Variants in HDAC9 observed in about 807,000 individuals in gnomAD.
HDAC9 encodes histone deacetylase 9, also known as MEF-2 interacting transcription repressor (MITR) protein.
In HDAC9, 41 loss-of-function variants were observed where a neutral mutation model predicts 139.4. That is an observed-to-expected ratio of 0.29 (90% confidence interval 0.23 to 0.38). The LOEUF is 0.38. HDAC9 is among the 10% of genes least tolerant of loss of function. The pLI is 1.00. For synonymous variants in HDAC9, 517 were observed against 476.2 expected, an observed-to-expected ratio of 1.09 and a Z score of -1.12; for missense variants, 1,147 against 1,297.0, an observed-to-expected ratio of 0.88 and a Z score of 1.78.
intron 1 of HDAC9, among the ~76,000 whole-genome samples, chr7:18,434,541 T>C (rs974173330): frequency 5.3e-5 from 8 of 152,032 alleles, no homozygotes; most frequent in African/African-American, 1.9e-4. Flanking sequence ...TTTAATCAAA[T>C]TAACAGGCAA....
At chr7:18,557,379 G>T (rs532650877) in intron 2 of HDAC9, among the ~76,000 whole-genome samples, 9 of 148,322 alleles carry the variant, frequency 6.1e-5, no homozygotes, top group Non-Finnish European at 1.2e-4. Flanking sequence ...AATCCTCCTG[G>T]TATACTTTAA....
intron 2 of HDAC9, among the ~76,000 whole-genome samples, chr7:18,257,403 A>C (rs965048215): frequency 1.1e-4 from 10 of 89,582 alleles, no homozygotes; most frequent in African/African-American, 1.7e-4. Flanking sequence ...TGTCTCTCCC[A>C]CACACACACA....
chr7:18,951,988 C>A (rs1280992512), intron 23 of HDAC9, among the ~76,000 whole-genome samples: 1 of 151,746 alleles, frequency 6.6e-6, no homozygotes, highest in Admixed American at 6.6e-5. Flanking sequence ...CATTGCATAC[C>A]TGCCAGAGAA....
intron 1 of HDAC9, among the ~76,000 whole-genome samples, chr7:18,090,359 A>G (rs1190074802): frequency 1.3e-5 from 2 of 152,210 alleles, no homozygotes; most frequent in African/African-American, 2.4e-5. Context: ...CAATATAGTC[A>G]TAAGGGGATG....
intron 2 of HDAC9, among the ~76,000 whole-genome samples, chr7:18,220,282 C>T (rs889746769): frequency 6.6e-6 from 1 of 152,056 alleles, no homozygotes; most frequent in Non-Finnish European, 1.5e-5. Flanking sequence ...TTGCAATTAT[C>T]GCATTGCTAT....
chr7:18,480,616 C>T (rs1238782418), intron 1 of HDAC9, among the ~76,000 whole-genome samples: 1 of 152,088 alleles, frequency 6.6e-6, no homozygotes, highest in East Asian at 1.9e-4. Flanking sequence ...TCCAGTAGGT[C>T]AGAGCTGCAG....
chr7:18,196,588 G>A (rs1041979085), intron 2 of HDAC9, among the ~76,000 whole-genome samples: 3 of 152,168 alleles, frequency 2.0e-5, no homozygotes, highest in South Asian at 2.1e-4. Flanking sequence ...AGGCCAAATG[G>A]TGCTGGATTA....
At chr7:18,191,965 T>G (rs1288753007) in intron 2 of HDAC9, among the ~76,000 whole-genome samples, 1 of 152,188 alleles carries the variant, frequency 6.6e-6, no homozygotes, top group Non-Finnish European at 1.5e-5. Flanking sequence ...TTCTAAGCTA[T>G]GACGAGAAGA....
chr7:18,499,138 G>T (rs1348954934), intron 2 of HDAC9, among the ~76,000 whole-genome samples: 1 of 151,874 alleles, frequency 6.6e-6, no homozygotes, highest in Non-Finnish European at 1.5e-5. Flanking sequence ...TAAAGGCAAA[G>T]AAGTTGCACA....
At chr7:18,209,087 C>T (rs1791751084) in intron 2 of HDAC9, among the ~76,000 whole-genome samples, 1 of 152,066 alleles carries the variant, frequency 6.6e-6, no homozygotes, top group African/African-American at 2.4e-5. Context: ...TTCCTGTGGG[C>T]CTTTTGGTCT....
intron 1 of HDAC9, among the ~76,000 whole-genome samples, chr7:18,095,623 C>T (rs1782456319): frequency 6.6e-6 from 1 of 152,134 alleles, no homozygotes; most frequent in African/African-American, 2.4e-5. Flanking sequence ...GACTACAGGT[C>T]TGTACAGTAT....
chr7:18,821,428 A>G (rs946406733), intron 17 of HDAC9, among the ~76,000 whole-genome samples: 3 of 152,198 alleles, frequency 2.0e-5, no homozygotes, highest in Non-Finnish European at 1.5e-5. Flanking sequence ...TAAGTGGAAG[A>G]CATCCCACAT....
chr7:18,434,247 G>A lies in HDAC9; in HGVS notation c.-41-62015G>A, dbSNP rs1034160406. 3.9e-5 allele frequency among the ~76,000 whole-genome samples: 6 copies of A among 152,210 alleles called. No homozygotes were observed. The South Asian group carries it at 8.3e-4, about 21-fold the overall frequency. ...TGAAACTCGACCCCTTCCTTTCACC[G>A]TATACGAAAATCAAATCAAGATGGA... On this transcript the variant is annotated intron_variant, in intron 1 of 3. Transcript: ENST00000413509.
At chr7:18,558,028 T>C (rs1054308346) in intron 2 of HDAC9, among the ~76,000 whole-genome samples, 2 of 152,136 alleles carry the variant, frequency 1.3e-5, no homozygotes, top group Admixed American at 6.6e-5. Flanking sequence ...TTGGTTAGCC[T>C]TTGGGCCCCA....
chr7:18,914,780 G>C (rs1324192400), intron 22 of HDAC9, among the ~76,000 whole-genome samples: 2 of 137,464 alleles, frequency 1.5e-5, no homozygotes, highest in African/African-American at 5.1e-5. Flanking sequence ...TACGCTGGGA[G>C]AGAAACATAT....
At position 18,749,046 on chromosome 7, in the gene HDAC9, T is replaced by A; in HGVS notation, c.1951T>A (p.Cys651Ser). The A allele has an allele frequency of 6.2e-7, 1 of 1,613,672 alleles. No homozygotes were observed. The change falls in exon 14 of 26, where the codon TGT becomes AGT. Residue 651 changes from cysteine (C) to serine (S), a missense_variant. Around this residue, in one of 7 missense-constraint regions of HDAC9, gnomAD observed 407 missense variants for 521.5 expected, o/e 0.78. Transcript: ENST00000686413. The stretch of plus-strand genomic sequence containing the variant: ...CTTGATGCTGAAACACCAGTGCGTT[T>A]GTGGCAATTCCACCACCCACCCTGA... ...DPLMLKHQCV[C>S]GNSTTHPEHA...
At chr7:18,795,232 A>G (rs1276126370) in intron 17 of HDAC9, among the ~76,000 whole-genome samples, 2 of 144,772 alleles carry the variant, frequency 1.4e-5, no homozygotes, top group Admixed American at 7.1e-5. Context: ...ATCAGCAGGC[A>G]TGGTTTAAAA....
At chr7:18,994,784 C>A (rs1362356542) in intron 25 of HDAC9, among the ~76,000 whole-genome samples, 1 of 152,008 alleles carries the variant, frequency 6.6e-6, no homozygotes, top group African/African-American at 2.4e-5. Context: ...AATAACATGG[C>A]CAAACATTTC....
chr7:18,102,756 A>C (rs1181156109), intron 1 of HDAC9, among the ~76,000 whole-genome samples: 1 of 152,138 alleles, frequency 6.6e-6, no homozygotes, highest in Non-Finnish European at 1.5e-5. Flanking sequence ...CCATGTGACA[A>C]AGTTCTGACC....
Sources: allele counts gnomAD v4.1 joint callset (sites outside exome capture counted in the v4.1 genomes callset), GRCh38; gene constraint gnomAD v4.1.1; regional missense constraint gnomAD v4.1.1; transcripts MANE v1.5; gene names NCBI Gene and HGNC (gene_info 2026-07-23, HGNC 2026-07-21).